The following SMAP1 variants were observed in gnomAD, a reference collection of about 807,000 sequenced individuals.
SMAP1 encodes the protein stromal membrane-associated protein 1.
SMAP1 carries 24 observed loss-of-function variants against 58.5 expected under a neutral mutation model. The observed-to-expected ratio is 0.41, with a 90% CI of 0.30 to 0.58. The LOEUF is 0.58. Ranked by LOEUF, SMAP1 falls within the 20% of genes least tolerant of loss-of-function variation. The pLI is 0.29. For synonymous variants in SMAP1, 216 were observed against 196.6 expected (o/e 1.10, Z -0.82); for missense variants, 563 against 566.3 (o/e 0.99, Z 0.06).
chr6:70,719,997 C>G (rs1287708645), intron 1 of SMAP1, among the ~76,000 whole-genome samples: 5 of 152,188 alleles, frequency 3.3e-5, no homozygotes, highest in Admixed American at 6.5e-5. Flanking sequence ...GCCTTCCCAA[C>G]AGTCCCCCAG....
chr6:70,829,226 TTG>T (rs1249535012), intron 6 of SMAP1, among the ~76,000 whole-genome samples: 1 of 152,060 alleles, frequency 6.6e-6, no homozygotes, highest in Non-Finnish European at 1.5e-5. Flanking sequence ...CTCTATCAGA[TTG>T]TGTTTATTTT....
chr6:70,787,329 C>T (rs1768094430), intron 4 of SMAP1, among the ~76,000 whole-genome samples: 1 of 152,092 alleles, frequency 6.6e-6, no homozygotes, highest in African/African-American at 2.4e-5. Context: ...CATGTTAGAC[C>T]TAAAACCATA....
At chr6:70,744,041 T>A (rs1765918932) in intron 2 of SMAP1, among the ~76,000 whole-genome samples, 1 of 152,228 alleles carries the variant, frequency 6.6e-6, no homozygotes. Flanking sequence ...AGGTCAGTAA[T>A]ACTAATAGTT....
At chr6:70,785,673 C>T (rs1767984011) in intron 4 of SMAP1, among the ~76,000 whole-genome samples, 4 of 152,202 alleles carry the variant, frequency 2.6e-5, no homozygotes, top group Admixed American at 2.6e-4. Context: ...ACGACAAACA[C>T]CTCTACGCAA....
chr6:70,840,023 C>G (rs1395008709), intron 7 of SMAP1, among the ~76,000 whole-genome samples: 1 of 152,128 alleles, frequency 6.6e-6, no homozygotes, highest in Admixed American at 6.5e-5. Flanking sequence ...CCTGGTTTTC[C>G]CCTGTAAATT....
chr6:70,703,258 G>GT lies in SMAP1; in HGVS notation c.119-29119dup, dbSNP rs1767709080. Among the ~76,000 whole-genome samples the GT allele has an allele frequency of 4.6e-5, 7 of 152,064 alleles. No individual in the cohort carries two copies. The South Asian group carries it at 1.5e-3, about 32-fold the overall frequency. On this transcript the variant is annotated intron_variant, in intron 1 of 10. Coordinates refer to ENST00000370455, the MANE Select transcript of SMAP1 (RefSeq NM_001044305.3). ...TGCTCAACTAATTTTTGTATTTTTA[G>GT]TAGAGACAGGGTTTCACCATGTTGG...
intron 1 of SMAP1, among the ~76,000 whole-genome samples, chr6:70,714,767 C>T (rs1039132648): frequency 6.6e-6 from 1 of 152,012 alleles, no homozygotes; most frequent in African/African-American, 2.4e-5. Context: ...GAATAACTAC[C>T]TTTAGCATGC....
At chr6:70,773,655 G>A (rs1767426191) in intron 4 of SMAP1, among the ~76,000 whole-genome samples, 1 of 152,140 alleles carries the variant, frequency 6.6e-6, no homozygotes. Context: ...ATTTAATTAA[G>A]TTAATTTTTG....
chr6:70,746,836 G>T (rs1766063413), intron 2 of SMAP1, among the ~76,000 whole-genome samples: 1 of 152,010 alleles, frequency 6.6e-6, no homozygotes, highest in Non-Finnish European at 1.5e-5. Flanking sequence ...ATTAATTATT[G>T]CCTCAATTTC....
chr6:70,745,245 G>A (rs1271022310), intron 2 of SMAP1, among the ~76,000 whole-genome samples: 2 of 152,148 alleles, frequency 1.3e-5, no homozygotes. Flanking sequence ...TGAAGTCCTT[G>A]CCCATGCCTA....
rs778901123 is a variant in SMAP1, at chr6:70,754,962, A to T, written c.253-18A>T. On this transcript the variant is annotated intron_variant, in intron 2 of 10. Coordinates refer to ENST00000370455, the MANE Select transcript of SMAP1 (RefSeq NM_001044305.3). ...TTTAATGTTTATGTGAGTAATTAAAAAATTTTTTTTATTATAGTGCATGCA... is the reference window on the plus strand; with the variant it reads ...TTTAATGTTTATGTGAGTAATTAAATAATTTTTTTTATTATAGTGCATGCA... 27 of 1,578,566 alleles carry T rather than the reference A, an allele frequency of 1.7e-5. No individual in the cohort carries two copies. The highest frequency in any genetic ancestry group is 3.4e-4 in the Middle Eastern group (2 of 5,812).
intron 6 of SMAP1, among the ~76,000 whole-genome samples, chr6:70,836,236 G>GC (rs1770578396): frequency 6.6e-6 from 1 of 152,158 alleles, no homozygotes; most frequent in Non-Finnish European, 1.5e-5. Context: ...GGCTGGGGAG[G>GC]CCTCACAATC....
Position 70,857,803 on chromosome 6 carries a change from A to C in SMAP1, c.962-119A>C, listed in dbSNP as rs1401872889. 9 of 1,150,408 alleles carry C rather than the reference A, an allele frequency of 7.8e-6. 1 individual carries two copies. The Middle Eastern group carries it at 8.8e-4, about 112-fold the overall frequency. The allele number at this position is 1,150,408 out of a possible 1,614,324, so 71.3% of individuals were successfully genotyped here. ...TTGGTCTGAGTAGTAGGAGCAGCCA[A>C]ACTGGAATTAAAATGTTTGCTGTGA... On this transcript the variant is annotated intron_variant, in intron 9 of 10. Transcript: ENST00000370455.
rs147719662 is a variant in SMAP1 at position 70,812,676 on chromosome 6, A to G, written c.576+13939A>G. Among the ~76,000 whole-genome samples the G allele has an allele frequency of 1.6e-3, 250 of 152,326 alleles. 1 individual carries two copies. In the East Asian group the frequency reaches 0.019, roughly 12 times the overall value. The stretch of plus-strand genomic sequence containing the variant: ...AAGCTAAAAAATTAAAAGATAATCA[A>G]TTGCTTACAGAATAAATATTAATAA... On this transcript the variant is annotated intron_variant, in intron 6 of 10. Transcript: ENST00000370455.
chr6:70,811,625 T>G (rs1026369171), intron 6 of SMAP1, among the ~76,000 whole-genome samples: 1 of 152,066 alleles, frequency 6.6e-6, no homozygotes. Flanking sequence ...AGTCCCTTAT[T>G]TAAAATGACA....
At chr6:70,851,389 A>C (rs1319106487) in intron 7 of SMAP1, among the ~76,000 whole-genome samples, 1 of 152,220 alleles carries the variant, frequency 6.6e-6, no homozygotes, top group African/African-American at 2.4e-5. Context: ...TGAATTTGTC[A>C]GTATTTGAGT....
chr6:70,784,590 A>G (rs1253278073), intron 4 of SMAP1, among the ~76,000 whole-genome samples: 4 of 152,226 alleles, frequency 2.6e-5, no homozygotes, highest in African/African-American at 9.6e-5. Context: ...TAGGCTCAAC[A>G]TAAAGGGATG....
In SMAP1 at chr6:70,800,655, G is replaced by C. The variant is rs748059096; in HGVS notation, c.576+1918G>C. Among the ~76,000 whole-genome samples, 4 of 151,844 alleles carry C rather than the reference G, an allele frequency of 2.6e-5. No individual in the cohort carries two copies. In the East Asian group the frequency reaches 5.8e-4, roughly 22 times the overall value. ...TACATTAGGTATATCTCCTAATGCT[G>C]TCCCTCCCCCAGCCCCCCACCCCCT... On this transcript the variant is annotated intron_variant, in intron 6 of 10. Coordinates refer to ENST00000370455, the MANE Select transcript of SMAP1 (RefSeq NM_001044305.3).
chr6:70,674,710 A>G (rs560741820), intron 1 of SMAP1, among the ~76,000 whole-genome samples: 1 of 152,340 alleles, frequency 6.6e-6, no homozygotes, highest in Non-Finnish European at 1.5e-5. Flanking sequence ...GCAGTGGTTC[A>G]TGCCTGTAAT....
Sources: gnomAD v4.1 joint callset for allele counts (sites outside exome capture counted in the v4.1 genomes callset) on GRCh38, gnomAD v4.1.1 for gene constraint, MANE v1.5 for transcripts, NCBI Gene and HGNC (gene_info 2026-07-23, HGNC 2026-07-21) for gene names.